TRPM8: variants seen among roughly 807,000 people sequenced by gnomAD.
TRPM8 encodes TRPM8 cationic channel.
TRPM8 carries 110 observed loss-of-function variants against 133.7 expected under a neutral mutation model. The observed-to-expected ratio is 0.82, with a 90% CI of 0.70 to 0.96. The LOEUF (loss-of-function observed/expected upper bound fraction) is 0.96. Ranked by LOEUF, TRPM8 falls within the 40% of genes least tolerant of loss-of-function variation. The pLI, the probability that TRPM8 is intolerant of heterozygous loss-of-function variation, is 0.00. For missense variants in TRPM8, 1,291 were observed against 1,379.5 expected, an observed-to-expected ratio of 0.94 and a Z score of 1.02; for synonymous variants, 535 against 532.3, an observed-to-expected ratio of 1.01 and a Z score of -0.07.
intron 25 of TRPM8, among the ~76,000 whole-genome samples, chr2:234,015,265 C>T (rs183924387): frequency 4.6e-5 from 7 of 152,262 alleles, no homozygotes; most frequent in African/African-American, 9.6e-5. Context: ...TTTCTCATTA[C>T]CTGTCCAAAT....
chr2:233,922,553 C>T (rs1691432155), intron 1 of TRPM8, among the ~76,000 whole-genome samples: 1 of 152,168 alleles, frequency 6.6e-6, no homozygotes, highest in South Asian at 2.1e-4. Flanking sequence ...AAAACCTCTA[C>T]CACGTCATCT....
chr2:233,933,789 TG>T (rs151107273), intron 3 of TRPM8: 11,462 of 166,670 alleles, frequency 0.069, 541 homozygotes, highest in Admixed American at 0.085. Flanking sequence ...CAAAGGATGG[TG>T]GGACAGTGGA....
intron 5 of TRPM8, among the ~76,000 whole-genome samples, chr2:233,941,603 A>G (rs952973732): frequency 6.6e-6 from 1 of 152,210 alleles, no homozygotes; most frequent in Non-Finnish European, 1.5e-5. Context: ...GAGCTAATCC[A>G]AAGAGGCCAG....
chr2:233,964,832 A>G, intron 14 of TRPM8, 75 bp downstream of exon 14: 1 of 1,468,200 alleles, frequency 6.8e-7, no homozygotes, highest in South Asian at 1.5e-5. Context: ...CGGCACTCAT[A>G]GACCAGATGG....
At chr2:234,011,834 G>A (rs1026373358) in intron 24 of TRPM8, among the ~76,000 whole-genome samples, 13 of 146,424 alleles carry the variant, frequency 8.9e-5, no homozygotes, top group East Asian at 2.0e-4. Flanking sequence ...GGAGAATGGC[G>A]TGAACCTGGG....
At chr2:233,925,705 G>T (rs1271181463) in intron 1 of TRPM8, among the ~76,000 whole-genome samples, 2 of 152,062 alleles carry the variant, frequency 1.3e-5, no homozygotes, top group Non-Finnish European at 2.9e-5. Flanking sequence ...AGGAGGAGGG[G>T]ACTCAGGGAG....
intron 15 of TRPM8, 87 bp downstream of exon 15, chr2:233,966,842 A>G: frequency 7.1e-7 from 1 of 1,408,128 alleles, no homozygotes; most frequent in Non-Finnish European, 9.4e-7. Flanking sequence ...AATAGTAAAA[A>G]CAAACCTTAT....
intron 5 of TRPM8, among the ~76,000 whole-genome samples, 155 bp downstream of exon 5, chr2:233,939,330 T>C (rs1690846345): frequency 6.6e-6 from 1 of 152,242 alleles, no homozygotes; most frequent in Admixed American, 6.5e-5. Flanking sequence ...TATCCTCAAA[T>C]GAATGGACAC....
chr2:233,973,941 C>T (rs112620889), intron 17 of TRPM8, among the ~76,000 whole-genome samples: 65 of 152,348 alleles, frequency 4.3e-4, no homozygotes, highest in African/African-American at 1.5e-3. Context: ...TTCCCTTCTC[C>T]CGACCTGGCG....
chr2:233,997,989 T>A (rs1692452730), intron 22 of TRPM8, among the ~76,000 whole-genome samples: 1 of 152,174 alleles, frequency 6.6e-6, no homozygotes, highest in Admixed American at 6.5e-5. Context: ...ACAATCTTCC[T>A]AGCCCCCAGT....
At chr2:234,007,967 G>T in intron 23 of TRPM8, 103 bp from the exon 24 acceptor site, 1 of 1,133,682 alleles carries the variant, frequency 8.8e-7, no homozygotes. Context: ...AAAATGACTT[G>T]TATTCTGTAC....
chr2:234,014,512 A>G, intron 24 of TRPM8, 50 bp from the exon 25 acceptor site: 1 of 1,231,580 alleles, frequency 8.1e-7, no homozygotes, highest in East Asian at 2.7e-5. Context: ...TTAAAAATGA[A>G]AGTTGGAAAA....
Position 233,942,596 on chromosome 2 carries a change from G to A in TRPM8, c.547G>A (p.Gly183Ser), listed in dbSNP as rs780332800. 6.2e-7 allele frequency: 1 copy of A among 1,614,204 alleles called. No individual in the cohort carries two copies. Among genetic ancestry groups the A allele is most frequent in the South Asian group, 1.1e-5 (1 of 91,068 alleles). ...GACAGGTGCTTGGATTCTCACGGGAGGCACCCATTATGGCCTGATGAAGTA... is the reference window on the plus strand; with the variant it reads ...GACAGGTGCTTGGATTCTCACGGGAAGCACCCATTATGGCCTGATGAAGTA... ...QSKGAWILTGGTHYGLMKYIG... is the reference protein window; with the variant it reads ...QSKGAWILTGSTHYGLMKYIG... Residue 183 changes from glycine (G) to serine (S), a missense_variant, in exon 6 of 26, where the codon GGC becomes AGC. By Grantham distance (56) the Gly-to-Ser change is moderately conservative. Transcript: ENST00000324695.
At chr2:233,918,699 G>A (rs555009938) in intron 1 of TRPM8, among the ~76,000 whole-genome samples, 25 of 152,216 alleles carry the variant, frequency 1.6e-4, no homozygotes, top group African/African-American at 5.5e-4. Context: ...AGAAAAACAG[G>A]ATAATGCCTA....
chr2:234,000,916 G>A (rs1384060133), intron 22 of TRPM8, among the ~76,000 whole-genome samples: 1 of 152,186 alleles, frequency 6.6e-6, no homozygotes, highest in Non-Finnish European at 1.5e-5. Flanking sequence ...GGCTTCAAGT[G>A]ATCCGCCCAC....
At chr2:234,011,572 A>C (rs959285041) in intron 24 of TRPM8, among the ~76,000 whole-genome samples, 1 of 152,156 alleles carries the variant, frequency 6.6e-6, no homozygotes, top group African/African-American at 2.4e-5. Context: ...TTTTGGCAAT[A>C]TTCATTTTTT....
At chr2:234,007,637 G>GT (rs1692726788) in intron 23 of TRPM8, among the ~76,000 whole-genome samples, 1 of 152,182 alleles carries the variant, frequency 6.6e-6, no homozygotes. Flanking sequence ...CACACCTCAA[G>GT]TTTCACTCTA....
intron 15 of TRPM8, among the ~76,000 whole-genome samples, chr2:233,967,032 C>A (rs574015200): frequency 1.3e-5 from 2 of 152,258 alleles, no homozygotes; most frequent in African/African-American, 4.8e-5. Context: ...GATCCCACTG[C>A]CTGGGTCTCC....
In TRPM8 at chr2:234,019,075, T is replaced by C. The variant is rs1200665705; in HGVS notation, c.*1819T>C. On this transcript the variant is annotated 3_prime_UTR_variant, in exon 26 of 26. Transcript: ENST00000324695. The stretch of plus-strand genomic sequence containing the variant: ...GAAGGAGGAAATTTTAGAAGGAAGC[T>C]ACTAAAAGATCTAATTTGAAAAACT... The C allele has an allele frequency of 6.6e-6, 1 of 152,178 alleles. No individual in the cohort carries two copies. Among genetic ancestry groups the C allele is most frequent in the Admixed American group, 6.5e-5 (1 of 15,280 alleles). 9.4% of individuals were successfully genotyped at this position (152,178 alleles called of 1,614,324 possible).
Sources: gnomAD v4.1 joint callset for allele counts (sites outside exome capture counted in the v4.1 genomes callset) on GRCh38, gnomAD v4.1.1 for gene constraint, MANE v1.5 for transcripts, NCBI Gene and HGNC (gene_info 2026-07-23, HGNC 2026-07-21) for gene names.